Variants in CLCA2 observed in about 807,000 individuals in gnomAD.
CLCA2 encodes the protein calcium-activated chloride channel regulator 2.
Under a neutral mutation model 82.9 loss-of-function variants are expected in CLCA2, and 85 were observed. That is an observed-to-expected ratio of 1.03 (90% CI 0.86 to 1.23). The LOEUF is 1.23. Ranked by LOEUF, CLCA2 falls within the 50% of genes most tolerant of loss-of-function variation. The pLI, the probability that CLCA2 is intolerant of heterozygous loss-of-function variation, is 0.00. For missense variants in CLCA2, 1,089 were observed against 1,124.8 expected, an observed-to-expected ratio of 0.97 and a Z score of 0.45; for synonymous variants, 421 against 391.7, an observed-to-expected ratio of 1.07 and a Z score of -0.88.
chr1:86,427,547 T>TACACACAC lies in CLCA2; in HGVS notation c.325-851_325-844dup, dbSNP rs146595899. Among the ~76,000 whole-genome samples the TACACACAC allele has an allele frequency of 3.8e-3, 567 of 148,318 alleles. 4 individuals are homozygous for TACACACAC. Among genetic ancestry groups the TACACACAC allele is most frequent in the African/African-American group, 0.012 (483 of 40,316 alleles). The stretch of plus-strand genomic sequence containing the variant: ...ACAGACACAGATGGACACACATACA[T>TACACACAC]ACACACACACACACACACACACACA... On this transcript the variant is annotated intron_variant, in intron 2 of 13. Coordinates refer to ENST00000370565, the MANE Select transcript of CLCA2 (RefSeq NM_006536.7).
intron 11 of CLCA2, among the ~76,000 whole-genome samples, chr1:86,448,887 T>A (rs1257655575): frequency 6.6e-6 from 1 of 152,266 alleles, no homozygotes; most frequent in Non-Finnish European, 1.5e-5. Flanking sequence ...AATGTACTTT[T>A]GCAGAATGTT....
At chr1:86,443,247 T>C (rs1363084656) in intron 9 of CLCA2, among the ~76,000 whole-genome samples, 1 of 152,144 alleles carries the variant, frequency 6.6e-6, no homozygotes, top group African/African-American at 2.4e-5. Flanking sequence ...CAGACTAGTC[T>C]CAAACTCCTG....
At chr1:86,427,544 A>G (rs1309952186) in intron 2 of CLCA2, among the ~76,000 whole-genome samples, 1 of 124,616 alleles carries the variant, frequency 8.0e-6, no homozygotes, top group Admixed American at 8.1e-5. Flanking sequence ...GGACACACAT[A>G]CATACACACA....
intron 10 of CLCA2, among the ~76,000 whole-genome samples, chr1:86,446,435 T>G (rs1662855822): frequency 6.6e-6 from 1 of 152,140 alleles, no homozygotes; most frequent in Non-Finnish European, 1.5e-5. Flanking sequence ...CTTGCTCCCC[T>G]TGCCTGACCT....
rs771699344 is a variant in CLCA2 at position 86,447,575 on chromosome 1, C to G, written c.1781C>G (p.Thr594Ser). Reference protein sequence around the residue: ...HSLQALKVTVTSRASNSAVPP... With the variant: ...HSLQALKVTVSSRASNSAVPP... ...CTGCAAGCCCTGAAAGTGACAGTGA[C>G]CTCTCGCGCCTCCAACTCAGCTGTG... The change falls in exon 11 of 14, where the codon ACC becomes AGC. Residue 594 changes from threonine (T) to serine (S), a missense_variant. Transcript: ENST00000370565. The G allele has an allele frequency of 1.9e-6, 3 of 1,614,112 alleles. No homozygotes were observed. In the South Asian group the frequency reaches 3.3e-5, roughly 18 times the overall value.
At chr1:86,433,534 G>A (rs941516468) in intron 5 of CLCA2, among the ~76,000 whole-genome samples, 4 of 151,978 alleles carry the variant, frequency 2.6e-5, no homozygotes, top group African/African-American at 7.3e-5. Context: ...TAATGCATTC[G>A]ATCCACATTA....
chr1:86,444,879 T>TTTGTTGTTGTTGTTGTTGTTGTTG (rs199948615), intron 10 of CLCA2, among the ~76,000 whole-genome samples: 2 of 148,020 alleles, frequency 1.4e-5, no homozygotes, highest in Non-Finnish European at 3.0e-5. Context: ...CACCCCCACT[T>TTTGTTGTTGTTGTTGTTGTTGTTG]TTGTTGTTGT....
In CLCA2 at chr1:86,455,190, G is replaced by T. The variant is rs762070257; in HGVS notation, c.2495G>T (p.Gly832Val). The T allele has an allele frequency of 1.2e-6, 2 of 1,613,774 alleles. No individual in the cohort carries two copies. The highest frequency in any genetic ancestry group is 1.7e-5 in the Admixed American group (1 of 59,998). The change falls in exon 14 of 14, where the codon GGC becomes GTC. Residue 832 changes from glycine to valine, a missense_variant. Transcript: ENST00000370565. ...NTSKRNPQQA[G>V]IREIFTFSPQ... ...TCAAAGCGAAATCCTCAGCAAGCTGGCATCAGGGAGATATTTACGTTCTCA... is the reference window on the plus strand; with the variant it reads ...TCAAAGCGAAATCCTCAGCAAGCTGTCATCAGGGAGATATTTACGTTCTCA...
At position 86,434,503 on chromosome 1, in the gene CLCA2, T is replaced by G. The variant is rs777993920; in HGVS notation, c.745-15T>G. 6.2e-7 allele frequency: 1 copy of G among 1,607,134 alleles called. No individual in the cohort carries two copies. Among genetic ancestry groups the G allele is most frequent in the South Asian group, 1.1e-5 (1 of 90,896 alleles). On this transcript the variant is annotated splice_polypyrimidine_tract_variant and intron_variant, in intron 5 of 13. Coordinates refer to ENST00000370565, the MANE Select transcript of CLCA2 (RefSeq NM_006536.7). Reference sequence around the variant, plus strand: ...AGAAGTGCCTCTCTTTATTAAAGACTGTTTTTATTTCCAGGTGGTTGAATT... The same window carrying G: ...AGAAGTGCCTCTCTTTATTAAAGACGGTTTTTATTTCCAGGTGGTTGAATT...
rs55948031 is a variant in CLCA2, at chr1:86,425,747, T to C, written c.324+271T>C. 6.4e-4 allele frequency among the ~76,000 whole-genome samples: 97 copies of C among 152,252 alleles called. 1 individual carries two copies. The East Asian group carries it at 0.018, about 28-fold the overall frequency. ...ACTTATGGAGTACTTTCTGAAAAGT[T>C]TGGTTGAGGATCAAGAACTAGTTTT... is the stretch of plus-strand genomic sequence containing the variant. On this transcript the variant is annotated intron_variant, in intron 2 of 13. Coordinates refer to ENST00000370565, the MANE Select transcript of CLCA2 (RefSeq NM_006536.7).
intron 6 of CLCA2, 138 bp from the exon 7 acceptor site, chr1:86,438,738 T>A: frequency 2.9e-6 from 2 of 682,722 alleles, no homozygotes; most frequent in Non-Finnish European, 4.9e-6. Context: ...TAATATTATG[T>A]TACTCTTTAA....
Position 86,428,463 on chromosome 1 carries a change from C to T in CLCA2, c.370C>T (p.Pro124Ser). The change falls in exon 3 of 14, where the codon CCA becomes TCA. Residue 124 changes from proline (P) to serine (S), a missense_variant. Coordinates refer to ENST00000370565, the MANE Select transcript of CLCA2 (RefSeq NM_006536.7). ...TDWYGAHGDDPYTLQYRGCGK... is the reference protein window; with the variant it reads ...TDWYGAHGDDSYTLQYRGCGK... ...CTGGTATGGGGCACATGGAGATGAT[C>T]CATACACCCTACAATACAGAGGGTG... 6.2e-7 allele frequency: 1 copy of T among 1,613,162 alleles called. No individual in the cohort carries two copies. The highest frequency in any genetic ancestry group is 2.2e-5 in the East Asian group (1 of 44,836).
intron 10 of CLCA2, among the ~76,000 whole-genome samples, chr1:86,444,617 A>T (rs1489661785): frequency 6.6e-6 from 1 of 152,244 alleles, no homozygotes; most frequent in Non-Finnish European, 1.5e-5. Context: ...ATGGCTGTTC[A>T]TAGAACTAGA....
Position 86,438,915 on chromosome 1 carries a change from T to G in CLCA2, c.1012T>G (p.Tyr338Asp), listed in dbSNP as rs552797391. Reference sequence around the variant, plus strand: ...TCAACTACAACAAGCCGCAGAATTTTATTTGATGCAGATTGTTGAAATTCA... The same window carrying G: ...TCAACTACAACAAGCCGCAGAATTTGATTTGATGCAGATTGTTGAAATTCA... ...LLQLQQAAEF[Y>D]LMQIVEIHTF... Residue 338 changes from tyrosine to aspartate, a missense_variant, in exon 7 of 14, where the codon TAT becomes GAT. Coordinates refer to ENST00000370565, the MANE Select transcript of CLCA2 (RefSeq NM_006536.7). 1.1e-5 allele frequency: 18 copies of G among 1,614,140 alleles called. 1 individual carries two copies. The South Asian group carries it at 2.0e-4, about 18-fold the overall frequency.
intron 6 of CLCA2, among the ~76,000 whole-genome samples, chr1:86,435,847 A>G (rs1010141683): frequency 3.9e-5 from 6 of 152,036 alleles, no homozygotes; most frequent in African/African-American, 1.4e-4. Flanking sequence ...TTTTACTATT[A>G]TCTATGCCCA....
rs531425510 is a variant in CLCA2, at chr1:86,431,984, G to T, written c.585-385G>T. ...GAGTTTCGCTCCTGTCGCCCAGGCT[G>T]GAGTGCAATGGCACGATTTCGGCTC... On this transcript the variant is annotated intron_variant, in intron 4 of 13. Transcript: ENST00000370565. 1.5e-4 allele frequency among the ~76,000 whole-genome samples: 23 copies of T among 152,214 alleles called. No individual in the cohort carries two copies. In the South Asian group the frequency reaches 3.7e-3, roughly 25 times the overall value.
chr1:86,434,781 T>C (rs1430820805), intron 6 of CLCA2, 36 bp downstream of exon 6: 29 of 1,472,602 alleles, frequency 2.0e-5, no homozygotes, highest in Non-Finnish European at 2.7e-5. Context: ...TAAACATTTA[T>C]CATTTTTTCT....
chr1:86,426,997 G>T (rs561770958), intron 2 of CLCA2, among the ~76,000 whole-genome samples: 1 of 152,294 alleles, frequency 6.6e-6, no homozygotes, highest in South Asian at 2.1e-4. Context: ...TCATTTATCT[G>T]TTGGATACCA....
Position 86,424,209 on chromosome 1 carries a change from G to T in CLCA2, c.-39G>T, listed in dbSNP as rs1662340731. On this transcript the variant is annotated 5_prime_UTR_variant, in exon 1 of 14. Transcript: ENST00000370565. ...TTGAAAACCTGACACAATGTATGCA[G>T]CAGGCTCAGTGTGAGTGAACTGGAG... 1 of 1,573,148 alleles carries T rather than the reference G, an allele frequency of 6.4e-7. No individual in the cohort carries two copies. The highest frequency in any genetic ancestry group is 8.6e-7 in the Non-Finnish European group (1 of 1,159,476).
Sources: allele counts gnomAD v4.1 joint callset (sites outside exome capture counted in the v4.1 genomes callset), GRCh38; gene constraint gnomAD v4.1.1; transcripts MANE v1.5; gene names NCBI Gene and HGNC (gene_info 2026-07-23, HGNC 2026-07-21).